The following LDHC variants were observed in gnomAD, a reference collection of about 807,000 sequenced individuals.
The protein encoded by LDHC is L-lactate dehydrogenase C chain.
A neutral mutation model predicts 30.2 loss-of-function variants in LDHC; 20 were observed. That is an observed-to-expected ratio of 0.66 (90% confidence interval 0.47 to 0.96). LDHC has a LOEUF of 0.96. Among genes scored for constraint, LDHC ranks in the 40% least tolerant of loss-of-function variants. The pLI, the probability that LDHC is intolerant of heterozygous loss-of-function variation, is 0.00. For synonymous variants in LDHC, 139 were observed against 132.7 expected (o/e 1.05, Z -0.32); for missense variants, 362 against 394.9 (o/e 0.92, Z 0.71).
At chr11:18,433,751 T>C (rs1848309465) in intron 4 of LDHC, among the ~76,000 whole-genome samples, 1 of 152,204 alleles carries the variant, frequency 6.6e-6, no homozygotes, top group Non-Finnish European at 1.5e-5. Context: ...GTCTTAACTT[T>C]GGGTAACCTG....
At chr11:18,437,510 T>G (rs1316969020) in intron 5 of LDHC, among the ~76,000 whole-genome samples, 1 of 151,982 alleles carries the variant, frequency 6.6e-6, no homozygotes, top group Non-Finnish European at 1.5e-5. Flanking sequence ...CCCAGCACTT[T>G]GGGAGGCTGA....
At chr11:18,426,892 A>T (rs748026837) in intron 3 of LDHC, among the ~76,000 whole-genome samples, 1 of 152,178 alleles carries the variant, frequency 6.6e-6, no homozygotes, top group Non-Finnish European at 1.5e-5. Context: ...TTTATGAATG[A>T]TATGATAAAT....
chr11:18,429,984 ATTGAG>A (rs1424113141), intron 4 of LDHC, 74 bp downstream of exon 4: 1 of 906,966 alleles, frequency 1.1e-6, no homozygotes, highest in Non-Finnish European at 1.7e-6. Flanking sequence ...AATCAACTTC[ATTGAG>A]TTAACATTTA....
At position 18,439,334 on chromosome 11, in the gene LDHC, G is replaced by A. The variant is rs571658745; in HGVS notation, c.710+689G>A. Among the ~76,000 whole-genome samples the A allele has an allele frequency of 2.0e-5, 3 of 152,152 alleles. No individual in the cohort carries two copies. The South Asian group carries it at 6.2e-4, about 32-fold the overall frequency. ...TTCCAGCGCTTTGGGAGGCCAAGGC[G>A]GGTGGATCACCTGAGGTCAGCAGTT... On this transcript the variant is annotated intron_variant, in intron 6 of 7. Transcript: ENST00000541669.
At chr11:18,428,567 G>A (rs1414713153) in intron 3 of LDHC, among the ~76,000 whole-genome samples, 1 of 151,906 alleles carries the variant, frequency 6.6e-6, no homozygotes, top group Non-Finnish European at 1.5e-5. Flanking sequence ...CAGCTATATA[G>A]TGCTTTTTAA....
At chr11:18,443,652 G>A (rs1314470046) in intron 6 of LDHC, among the ~76,000 whole-genome samples, 1 of 151,932 alleles carries the variant, frequency 6.6e-6, no homozygotes, top group African/African-American at 2.4e-5. Context: ...TAGTGATGGG[G>A]TTTCACCATG....
chr11:18,417,945 G>A (rs887339874), intron 3 of LDHC, among the ~76,000 whole-genome samples: 1 of 152,028 alleles, frequency 6.6e-6, no homozygotes, highest in African/African-American at 2.4e-5. Flanking sequence ...GATGCAGGAG[G>A]ATTGCTTGAG....
chr11:18,419,128 G>T (rs868395828), intron 3 of LDHC, among the ~76,000 whole-genome samples: 1 of 152,118 alleles, frequency 6.6e-6, no homozygotes, highest in Non-Finnish European at 1.5e-5. Context: ...ACTTTTTCTG[G>T]GAAGACTCAG....
At chr11:18,437,751 CAAAAA>C (rs11308924) in intron 5 of LDHC, among the ~76,000 whole-genome samples, 1 of 126,376 alleles carries the variant, frequency 7.9e-6, no homozygotes, top group Non-Finnish European at 1.7e-5. Context: ...GACTCCCTCT[CAAAAA>C]AAAAAAAAAA....
intron 3 of LDHC, among the ~76,000 whole-genome samples, chr11:18,416,820 T>G (rs1223695309): frequency 1.5e-5 from 2 of 134,818 alleles, no homozygotes; most frequent in Non-Finnish European, 3.2e-5. Context: ...TCCCCTACCC[T>G]CCCCAGCCCT....
intron 6 of LDHC, among the ~76,000 whole-genome samples, chr11:18,439,361 G>A (rs1246154051): frequency 2.6e-5 from 4 of 151,828 alleles, no homozygotes; most frequent in Admixed American, 6.6e-5. Flanking sequence ...TCAGCAGTTC[G>A]AGACCAGCCT....
intron 4 of LDHC, among the ~76,000 whole-genome samples, chr11:18,431,806 T>C: frequency 6.6e-6 from 1 of 152,174 alleles, no homozygotes; most frequent in East Asian, 1.9e-4. Context: ...CTGCCTCGCC[T>C]CCCAAAGTTC....
chr11:18,427,286 C>T (rs1322094100), intron 3 of LDHC, among the ~76,000 whole-genome samples: 2 of 152,064 alleles, frequency 1.3e-5, no homozygotes, highest in South Asian at 2.1e-4. Context: ...ACCTGGGAGG[C>T]GGAGGTTGCA....
At chr11:18,416,688 C>T (rs1305813939) in intron 3 of LDHC, among the ~76,000 whole-genome samples, 2 of 150,794 alleles carry the variant, frequency 1.3e-5, no homozygotes, top group African/African-American at 2.4e-5. Flanking sequence ...CCTTCCCTTC[C>T]ATCTTCCCCT....
intron 3 of LDHC, among the ~76,000 whole-genome samples, chr11:18,428,876 G>GA (rs35689913): frequency 4.9e-4 from 67 of 135,538 alleles, no homozygotes; most frequent in African/African-American, 1.1e-3. Context: ...CACTATCTCA[G>GA]AAAAAAAAAA....
chr11:18,448,973 G>A (rs1161747693), intron 7 of LDHC, among the ~76,000 whole-genome samples: 2 of 152,082 alleles, frequency 1.3e-5, no homozygotes, highest in Non-Finnish European at 2.9e-5. Context: ...CTTGTTCCCA[G>A]CCCACCCAGC....
At chr11:18,415,820 A>G (rs748110113) in intron 3 of LDHC, among the ~76,000 whole-genome samples, 8 of 150,630 alleles carry the variant, frequency 5.3e-5, no homozygotes, top group East Asian at 2.0e-4. Context: ...AGTCTCCTGA[A>G]TAGCTGGGAT....
chr11:18,439,477 C>A lies in LDHC; in HGVS notation c.710+832C>A, dbSNP rs573068063. 1.4e-3 allele frequency among the ~76,000 whole-genome samples: 205 copies of A among 145,036 alleles called. 1 individual carries two copies. The highest frequency in any genetic ancestry group is 4.9e-3 in the African/African-American group (189 of 38,938). Reference sequence around the variant, plus strand: ...ACTTGGGAGGCTGAGGCAGGAGAATCACTGGAACCCAGGAGGCAGAGGTTG... The same window carrying A: ...ACTTGGGAGGCTGAGGCAGGAGAATAACTGGAACCCAGGAGGCAGAGGTTG... On this transcript the variant is annotated intron_variant, in intron 6 of 7. Coordinates refer to ENST00000541669, the MANE Select transcript of LDHC (RefSeq NM_017448.5).
intron 2 of LDHC, among the ~76,000 whole-genome samples, chr11:18,414,031 A>G (rs1487144086): frequency 6.6e-6 from 1 of 152,070 alleles, no homozygotes; most frequent in Non-Finnish European, 1.5e-5. Context: ...CTGTTGGCTT[A>G]ATTCGTAGAG....
Sources: gnomAD v4.1 joint callset for allele counts (sites outside exome capture counted in the v4.1 genomes callset) on GRCh38, gnomAD v4.1.1 for gene constraint, MANE v1.5 for transcripts, NCBI Gene and HGNC (gene_info 2026-07-23, HGNC 2026-07-21) for gene names.